Variants in DGKI observed in about 807,000 individuals in gnomAD.
The protein encoded by DGKI is DAG kinase iota.
In DGKI, 55 loss-of-function variants were observed where a neutral mutation model predicts 147.5. That is an observed-to-expected ratio of 0.37 (90% CI 0.30 to 0.47). The LOEUF (loss-of-function observed/expected upper bound fraction) is 0.47, where lower values mean the gene tolerates loss of function less well. Ranked by LOEUF, DGKI falls within the 20% of genes least tolerant of loss-of-function variation. DGKI has a pLI of 1.00. For synonymous variants in DGKI, 469 were observed against 477.1 expected (o/e 0.98, Z 0.22); for missense variants, 1,007 against 1,323.8 (o/e 0.76, Z 3.71).
chr7:137,643,259 C>G (rs1234915163), intron 6 of DGKI, among the ~76,000 whole-genome samples: 1 of 129,342 alleles, frequency 7.7e-6, no homozygotes, highest in African/African-American at 3.0e-5. Flanking sequence ...CCACTGCACT[C>G]CAACCTGGGA....
intron 16 of DGKI, 72 bp from the exon 17 acceptor site, chr7:137,577,356 C>A: frequency 9.1e-7 from 1 of 1,094,612 alleles, no homozygotes. Flanking sequence ...CTTCCATATC[C>A]TAGATTCCAA....
intron 23 of DGKI, among the ~76,000 whole-genome samples, chr7:137,484,414 C>T (rs1815480816): frequency 6.6e-6 from 1 of 151,996 alleles, no homozygotes; most frequent in East Asian, 1.9e-4. Context: ...AGTTATATTC[C>T]TCCCCACATG....
intron 27 of DGKI, among the ~76,000 whole-genome samples, chr7:137,451,239 T>C (rs1048557102): frequency 6.6e-6 from 1 of 152,202 alleles, no homozygotes; most frequent in Non-Finnish European, 1.5e-5. Context: ...AGTGTTGTCA[T>C]GGCAGTCTGA....
At chr7:137,580,686 A>G (rs1045675535) in intron 15 of DGKI, among the ~76,000 whole-genome samples, 16 of 152,100 alleles carry the variant, frequency 1.1e-4, no homozygotes, top group Admixed American at 3.3e-4. Flanking sequence ...CTTGTATTTT[A>G]TACTCTAGTG....
At chr7:137,553,594 T>C (rs1490397164) in intron 19 of DGKI, among the ~76,000 whole-genome samples, 1 of 152,146 alleles carries the variant, frequency 6.6e-6, no homozygotes, top group Non-Finnish European at 1.5e-5. Context: ...TTCTAGGAAA[T>C]AAAAGAAAAA....
At chr7:137,740,797 C>G (rs775280233) in intron 1 of DGKI, among the ~76,000 whole-genome samples, 2 of 152,144 alleles carry the variant, frequency 1.3e-5, no homozygotes, top group Admixed American at 6.5e-5. Context: ...CCAATATAAA[C>G]TAAATTCATG....
chr7:137,550,206 C>T (rs1409795998), intron 20 of DGKI, among the ~76,000 whole-genome samples: 2 of 149,336 alleles, frequency 1.3e-5, no homozygotes, highest in Admixed American at 6.7e-5. Flanking sequence ...CGCTCTGTTG[C>T]CCAGGCTGGA....
chr7:137,717,803 CG>C (rs1563164719), intron 1 of DGKI, among the ~76,000 whole-genome samples: 5 of 152,146 alleles, frequency 3.3e-5, no homozygotes, highest in Admixed American at 6.5e-5. Context: ...AGGCTTCTTA[CG>C]TAAAAAGCCA....
chr7:137,432,790 G>A (rs961735537), intron 28 of DGKI, among the ~76,000 whole-genome samples: 1 of 152,098 alleles, frequency 6.6e-6, no homozygotes, highest in Non-Finnish European at 1.5e-5. Context: ...CAATACTATG[G>A]GGTCATTAGG....
At chr7:137,399,414 A>G (rs1033278194) in intron 30 of DGKI, among the ~76,000 whole-genome samples, 1 of 152,142 alleles carries the variant, frequency 6.6e-6, no homozygotes, top group Non-Finnish European at 1.5e-5. Flanking sequence ...AATGATCCTT[A>G]TCCTCCCACA....
intron 21 of DGKI, among the ~76,000 whole-genome samples, chr7:137,506,670 T>C (rs1034192565): frequency 6.6e-6 from 1 of 152,048 alleles, no homozygotes; most frequent in Non-Finnish European, 1.5e-5. Flanking sequence ...AAAATGTTAA[T>C]AAAGGGGAGA....
At position 137,624,576 on chromosome 7, in the gene DGKI, A is replaced by G. The variant is rs373528514; in HGVS notation, c.805-1022T>C. On this transcript the variant is annotated intron_variant, in intron 6 of 32. Coordinates refer to ENST00000614521, the MANE Select transcript of DGKI (RefSeq NM_001321708.2). ...TGCAGTACTTTATATACTACCGAGC[A>G]TTTCCTCCTTTTGAACCTCTCTCGT... Among the ~76,000 whole-genome samples, 30 of 151,528 alleles carry G rather than the reference A, an allele frequency of 2.0e-4. 1 individual carries two copies. In the South Asian group the frequency reaches 5.2e-3, roughly 26 times the overall value.
Position 137,412,193 on chromosome 7 carries a change from C to A in DGKI, c.2776G>T (p.Val926Leu), listed in dbSNP as rs776113724. 6.2e-7 allele frequency: 1 copy of A among 1,613,914 alleles called. No individual in the cohort carries two copies. Among genetic ancestry groups the A allele is most frequent in the Non-Finnish European group, 8.5e-7 (1 of 1,179,838 alleles). ...ACCTTCATAAGATCACCAGCTATTA[C>A]TGCCTGCAAAATTGCTGTGAAAGAC... is the stretch of plus-strand genomic sequence containing the variant. ...SSEDHAILQA[V>L]IAGDLMKLIE... is the part of the protein sequence containing the mutation. Residue 926 changes from valine to leucine, a missense_variant, in exon 29 of 33, where the codon GTA becomes TTA. Val to Leu is a conservative substitution (Grantham distance 32). Around this residue, in one of 5 missense-constraint regions of DGKI, gnomAD observed 385 missense variants for 445.2 expected, o/e 0.86. Coordinates refer to ENST00000614521, the MANE Select transcript of DGKI (RefSeq NM_001321708.2).
chr7:137,484,082 T>C (rs1815467096), intron 23 of DGKI, among the ~76,000 whole-genome samples: 1 of 152,078 alleles, frequency 6.6e-6, no homozygotes, highest in Non-Finnish European at 1.5e-5. Flanking sequence ...AAGTGACTTT[T>C]CTTCCTTTCA....
chr7:137,757,355 G>A (rs1186055420), intron 1 of DGKI, among the ~76,000 whole-genome samples: 1 of 152,028 alleles, frequency 6.6e-6, no homozygotes. Context: ...TCTAACTTTT[G>A]TGTATGATTC....
Position 137,846,572 on chromosome 7 carries a change from C to T in DGKI, c.291G>A (p.Ala97=). 7.3e-7 allele frequency: 1 copy of T among 1,373,330 alleles called. No homozygotes were observed. The allele number at this position is 1,373,330 out of a possible 1,614,324, so 85.1% of individuals were successfully genotyped here. Residue 97 remains alanine (A), a synonymous_variant, in exon 1 of 33, where the codon GCG becomes GCA. Coordinates refer to ENST00000614521, the MANE Select transcript of DGKI (RefSeq NM_001321708.2). The surrounding 1 kb of genome is among the most constrained non-coding windows in gnomAD (Gnocchi z 4.0). ...GCTCGTCCAGGGCAGCGGCCCCCGC[C>T]GCCGCGGCTGACCCTGCGCCCCGCG... ...ADPRGAGSAA[A]AGAAALDEPA...
At chr7:137,778,361 A>T (rs188445816) in intron 1 of DGKI, among the ~76,000 whole-genome samples, 5 of 152,162 alleles carry the variant, frequency 3.3e-5, no homozygotes, top group Non-Finnish European at 4.4e-5. Context: ...GGAGGAATCT[A>T]AAAAAGGAAG....
intron 10 of DGKI, among the ~76,000 whole-genome samples, chr7:137,601,430 A>G (rs1819988398): frequency 6.6e-6 from 1 of 152,190 alleles, no homozygotes; most frequent in Non-Finnish European, 1.5e-5. Flanking sequence ...GTTTTAGTAG[A>G]TATCGTAATT....
chr7:137,499,908 T>C (rs1042428446), intron 21 of DGKI, among the ~76,000 whole-genome samples: 1 of 152,130 alleles, frequency 6.6e-6, no homozygotes. Context: ...AATTTGAGGA[T>C]ATAGCAAGAA....
Sources: allele counts gnomAD v4.1 joint callset (sites outside exome capture counted in the v4.1 genomes callset), GRCh38; gene constraint gnomAD v4.1.1; regional missense constraint gnomAD v4.1.1; non-coding constraint Gnocchi (gnomAD v3.1); transcripts MANE v1.5; gene names NCBI Gene and HGNC (gene_info 2026-07-23, HGNC 2026-07-21).